Variants in IL1RAPL2 observed in about 807,000 individuals in gnomAD.
The protein encoded by IL1RAPL2 is interleukin 1 receptor accessory protein like 2, also known as X-linked interleukin-1 receptor accessory protein-like 2.
Under a neutral mutation model 44.1 loss-of-function variants are expected in IL1RAPL2, and 3 were observed. The observed-to-expected ratio is 0.07, with a 90% CI of 0.03 to 0.18. The LOEUF (loss-of-function observed/expected upper bound fraction) is 0.18. IL1RAPL2 is among the 10% of genes least tolerant of loss of function. The pLI, the probability that IL1RAPL2 is intolerant of heterozygous loss-of-function variation, is 1.00. For missense variants in IL1RAPL2, 391 were observed against 496.4 expected (o/e 0.79, Z 2.02); for synonymous variants, 181 against 178.8 (o/e 1.01, Z -0.10).
intron 2 of IL1RAPL2, among the ~76,000 whole-genome samples, chrX:105,053,760 AC>A (rs1042883397): frequency 8.9e-6 from 1 of 112,337 alleles, no homozygotes; most frequent in African/African-American, 3.2e-5. Flanking sequence ...GGTCAAAAAA[AC>A]ATCAACAACC....
intron 5 of IL1RAPL2, among the ~76,000 whole-genome samples, chrX:105,423,922 T>C (rs962830659): frequency 1.8e-5 from 2 of 110,314 alleles, no homozygotes; most frequent in African/African-American, 6.6e-5. Context: ...TTGACCAAAT[T>C]TGGGGAGATC....
chrX:104,903,725 G>A (rs1239923867), intron 2 of IL1RAPL2, among the ~76,000 whole-genome samples: 9 of 109,944 alleles, frequency 8.2e-5, no homozygotes, highest in Admixed American at 1.9e-4. Context: ...CTACAGGCAC[G>A]CATCACCATG....
intron 1 of IL1RAPL2, among the ~76,000 whole-genome samples, chrX:104,612,562 C>T (rs185261162): frequency 8.9e-6 from 1 of 111,813 alleles, no homozygotes; most frequent in Admixed American, 9.5e-5. Flanking sequence ...CAGTACCATG[C>T]TGTTTTGGTT....
At position 104,825,857 on chromosome X, in the gene IL1RAPL2, C is replaced by T. The variant is rs186109652; in HGVS notation, c.82+166862C>T. Among the ~76,000 whole-genome samples the T allele has an allele frequency of 4.9e-3, 543 of 111,788 alleles. 3 individuals carry two copies. The highest frequency in any genetic ancestry group is 0.017 in the African/African-American group (515 of 30,765). Reference sequence around the variant, plus strand: ...TCATTCTTATGGTCTTGGCTAAACTCATCTGTCTGCAATCAACTGCAAATT... The same window carrying T: ...TCATTCTTATGGTCTTGGCTAAACTTATCTGTCTGCAATCAACTGCAAATT... On this transcript the variant is annotated intron_variant, in intron 2 of 10. Transcript: ENST00000372582.
chrX:105,083,884 C>T (rs2147550416), intron 2 of IL1RAPL2, among the ~76,000 whole-genome samples: 1 of 111,918 alleles, frequency 8.9e-6, no homozygotes, highest in South Asian at 3.7e-4. Context: ...AGACCATCGA[C>T]ACTATGAAGA....
chrX:105,401,240 T>G (rs1189761346), intron 5 of IL1RAPL2, among the ~76,000 whole-genome samples: 1 of 111,143 alleles, frequency 9.0e-6, no homozygotes, highest in African/African-American at 3.3e-5. Flanking sequence ...ATAGCAATCA[T>G]CACAGAGCTA....
intron 2 of IL1RAPL2, among the ~76,000 whole-genome samples, chrX:104,939,245 C>T (rs924330063): frequency 5.4e-5 from 6 of 110,153 alleles, no homozygotes; most frequent in South Asian, 3.9e-4. Flanking sequence ...TTAGTAGAGA[C>T]GGGGTTTCGC....
At chrX:105,261,389 G>A (rs1569414882) in intron 4 of IL1RAPL2, among the ~76,000 whole-genome samples, 2 of 111,871 alleles carry the variant, frequency 1.8e-5, no homozygotes, top group Non-Finnish European at 3.8e-5. Context: ...TCCTCTATGG[G>A]CCACACATGC....
chrX:105,344,844 T>A (rs1013228357), intron 5 of IL1RAPL2, among the ~76,000 whole-genome samples: 1 of 112,073 alleles, frequency 8.9e-6, no homozygotes, highest in Non-Finnish European at 1.9e-5. Context: ...CAAGGCAGAC[T>A]TTTAAAGACA....
chrX:104,897,741 A>G (rs928224343), intron 2 of IL1RAPL2, among the ~76,000 whole-genome samples: 5 of 112,166 alleles, frequency 4.5e-5, no homozygotes, highest in Non-Finnish European at 9.4e-5. Flanking sequence ...TTGTAAAGCA[A>G]CACCAGGCAT....
chrX:105,259,152 A>T (rs1728138006), intron 4 of IL1RAPL2, among the ~76,000 whole-genome samples: 1 of 111,763 alleles, frequency 8.9e-6, no homozygotes, highest in Admixed American at 9.5e-5. Flanking sequence ...CTTTATTTGA[A>T]GCTTACTTCC....
chrX:105,115,744 C>G (rs775313550), intron 2 of IL1RAPL2, among the ~76,000 whole-genome samples: 1 of 113,099 alleles, frequency 8.8e-6, no homozygotes, highest in Middle Eastern at 4.2e-3. Flanking sequence ...ATGCGCCTTG[C>G]GCCTGCACTC....
intron 2 of IL1RAPL2, among the ~76,000 whole-genome samples, chrX:104,884,339 C>T (rs998143661): frequency 7.2e-5 from 8 of 111,538 alleles, no homozygotes; most frequent in South Asian, 7.6e-4. Context: ...GTCCAGGGAC[C>T]GTTGCGGGTT....
chrX:105,476,564 C>A (rs1193750697), intron 5 of IL1RAPL2, among the ~76,000 whole-genome samples: 1 of 111,824 alleles, frequency 8.9e-6, no homozygotes, highest in African/African-American at 3.2e-5. Context: ...GAGAATATAT[C>A]TTCTCTCTAG....
chrX:105,193,953 CAA>C (rs2033653860), intron 2 of IL1RAPL2, among the ~76,000 whole-genome samples: 1 of 111,408 alleles, frequency 9.0e-6, no homozygotes, highest in Non-Finnish European at 1.9e-5. Context: ...CAGTGAAAGC[CAA>C]AGTCAGAGAG....
chrX:105,150,132 A>T (rs2033214100), intron 2 of IL1RAPL2, among the ~76,000 whole-genome samples: 1 of 111,295 alleles, frequency 9.0e-6, no homozygotes, highest in Non-Finnish European at 1.9e-5. Context: ...CAGGGACATG[A>T]CATCAAAACA....
intron 2 of IL1RAPL2, among the ~76,000 whole-genome samples, chrX:104,890,299 T>C (rs1266121459): frequency 8.9e-6 from 1 of 112,077 alleles, no homozygotes; most frequent in African/African-American, 3.2e-5. Context: ...TTATAGTCCT[T>C]TGGGTATATA....
At chrX:104,581,581 CA>C (rs1204089341) in intron 1 of IL1RAPL2, among the ~76,000 whole-genome samples, 3 of 111,551 alleles carry the variant, frequency 2.7e-5, no homozygotes, top group African/African-American at 9.8e-5. Flanking sequence ...TCTGCACATT[CA>C]CCTCAGGAAC....
At chrX:105,273,842 G>A (rs181055529) in intron 5 of IL1RAPL2, among the ~76,000 whole-genome samples, 17 of 111,663 alleles carry the variant, frequency 1.5e-4, no homozygotes, top group African/African-American at 5.5e-4. Flanking sequence ...AATCTTCAGA[G>A]GGCCAAGGGG....
Sources: gnomAD v4.1 joint callset for allele counts (sites outside exome capture counted in the v4.1 genomes callset) on GRCh38, gnomAD v4.1.1 for gene constraint, MANE v1.5 for transcripts, NCBI Gene and HGNC (gene_info 2026-07-23, HGNC 2026-07-21) for gene names.